The following FRMPD4 variants were observed in gnomAD, a reference collection of about 807,000 sequenced individuals.
FRMPD4 encodes FERM and PDZ domain-containing protein 4.
A neutral mutation model predicts 94.1 loss-of-function variants in FRMPD4; 22 were observed. That is an observed-to-expected ratio of 0.23 (90% CI 0.17 to 0.33). FRMPD4 has a LOEUF of 0.33. Among genes scored for constraint, FRMPD4 ranks in the 10% least tolerant of loss-of-function variants. FRMPD4 has a pLI of 1.00. For missense variants in FRMPD4, 1,111 were observed against 1,339.9 expected (o/e 0.83, Z 2.67); for synonymous variants, 631 against 548.6 (o/e 1.15, Z -2.10).
intron 3 of FRMPD4, among the ~76,000 whole-genome samples, chrX:12,018,948 T>A (rs1458063983): frequency 1.8e-5 from 2 of 111,967 alleles, no homozygotes; most frequent in Non-Finnish European, 3.8e-5. Flanking sequence ...GGAATTCAGA[T>A]GTTTTCAGAT....
intron 3 of FRMPD4, among the ~76,000 whole-genome samples, chrX:11,881,939 G>C (rs2053815939): frequency 8.9e-6 from 1 of 111,739 alleles, no homozygotes; most frequent in Non-Finnish European, 1.9e-5. Context: ...AGCTTGACAT[G>C]CCAGGCTGGT....
chrX:12,491,653 C>G (rs1375857605), intron 1 of FRMPD4, among the ~76,000 whole-genome samples: 9 of 112,466 alleles, frequency 8.0e-5, no homozygotes, highest in Admixed American at 9.4e-5. Context: ...CTTACCCACT[C>G]AAAGGCAGAG....
At chrX:12,231,030 GTATATATATATATATATAAAA>G (rs1456925769) in intron 1 of FRMPD4, among the ~76,000 whole-genome samples, 1 of 26,410 alleles carries the variant, frequency 3.8e-5, no homozygotes. Flanking sequence ...TATATATATA[GTATATATATATATATATAAAA>G]TATATATATA....
At chrX:12,176,366 A>G (rs2056295035) in intron 1 of FRMPD4, among the ~76,000 whole-genome samples, 1 of 111,958 alleles carries the variant, frequency 8.9e-6, no homozygotes, top group African/African-American at 3.2e-5. Flanking sequence ...GTATTCTGGC[A>G]ATCACAGAAC....
intron 3 of FRMPD4, among the ~76,000 whole-genome samples, chrX:11,925,658 G>T (rs1049326286): frequency 2.7e-5 from 3 of 111,776 alleles, no homozygotes; most frequent in African/African-American, 9.8e-5. Flanking sequence ...GACTTTGGGG[G>T]TAAATAATGA....
chrX:12,236,051 A>T (rs2057067233), intron 1 of FRMPD4, among the ~76,000 whole-genome samples: 1 of 111,266 alleles, frequency 9.0e-6, no homozygotes, highest in Non-Finnish European at 1.9e-5. Context: ...TTCAAGAAGG[A>T]CACAGACACT....
intron 1 of FRMPD4, among the ~76,000 whole-genome samples, chrX:12,398,605 T>G (rs763369017): frequency 8.9e-6 from 1 of 111,795 alleles, no homozygotes; most frequent in East Asian, 2.8e-4. Context: ...GCATCAAAAT[T>G]ATGGGGCCAT....
chrX:11,866,137 A>G (rs902157749), intron 2 of FRMPD4, among the ~76,000 whole-genome samples: 1 of 111,794 alleles, frequency 8.9e-6, no homozygotes, highest in Non-Finnish European at 1.9e-5. Flanking sequence ...CCTTTCTGTT[A>G]CTTTCCTTAT....
intron 3 of FRMPD4, among the ~76,000 whole-genome samples, chrX:12,005,184 A>G (rs1406400906): frequency 9.1e-6 from 1 of 109,435 alleles, no homozygotes; most frequent in Non-Finnish European, 1.9e-5. Context: ...TTCTCAAACT[A>G]TAGAGTGCTT....
chrX:12,102,997 C>G (rs2055268153), intron 3 of FRMPD4, among the ~76,000 whole-genome samples: 1 of 111,205 alleles, frequency 9.0e-6, no homozygotes, highest in Admixed American at 9.6e-5. Context: ...TTTGTCATAT[C>G]AGGTATTGAT....
At chrX:12,572,342 T>A (rs1451827081) in intron 2 of FRMPD4, among the ~76,000 whole-genome samples, 1 of 112,362 alleles carries the variant, frequency 8.9e-6, no homozygotes, top group Admixed American at 9.4e-5. Context: ...TTCTACTGTA[T>A]AAACATATTA....
At chrX:12,581,810 G>A (rs1202870270) in intron 2 of FRMPD4, among the ~76,000 whole-genome samples, 1 of 111,728 alleles carries the variant, frequency 9.0e-6, no homozygotes, top group Non-Finnish European at 1.9e-5. Flanking sequence ...CTTCTCTCAG[G>A]TATCCATGAT....
intron 3 of FRMPD4, among the ~76,000 whole-genome samples, chrX:12,114,054 T>C (rs1291846234): frequency 1.8e-5 from 2 of 111,914 alleles, no homozygotes; most frequent in Non-Finnish European, 3.8e-5. Context: ...TTAAACTATA[T>C]TTTTCTCTTC....
intron 1 of FRMPD4, among the ~76,000 whole-genome samples, chrX:12,437,314 T>A (rs750986933): frequency 1.6e-4 from 18 of 111,906 alleles, no homozygotes; most frequent in Admixed American, 8.5e-4. Context: ...GAATCTGGAA[T>A]TTTAATTCCA....
intron 7 of FRMPD4, among the ~76,000 whole-genome samples, chrX:12,689,299 C>A (rs2060059045): frequency 8.9e-6 from 1 of 111,796 alleles, no homozygotes; most frequent in African/African-American, 3.3e-5. Flanking sequence ...AGATTGCTGA[C>A]AAAGCTTGCT....
At chrX:11,889,276 A>G (rs2053861886) in intron 3 of FRMPD4, among the ~76,000 whole-genome samples, 1 of 112,085 alleles carries the variant, frequency 8.9e-6, no homozygotes, top group East Asian at 2.8e-4. Flanking sequence ...GCTACATCCC[A>G]ATAAGCCCAT....
chrX:12,291,059 G>A (rs1224190314), intron 1 of FRMPD4, among the ~76,000 whole-genome samples: 1 of 111,183 alleles, frequency 9.0e-6, no homozygotes, highest in Non-Finnish European at 1.9e-5. Flanking sequence ...GGCTGCATCT[G>A]CATGGTTAAT....
chrX:12,612,798 C>T (rs1298715409), intron 3 of FRMPD4, among the ~76,000 whole-genome samples: 2 of 112,397 alleles, frequency 1.8e-5, no homozygotes, highest in African/African-American at 6.5e-5. Context: ...TGATTACTTG[C>T]ACATAATACT....
In FRMPD4 at chrX:12,718,671, C is replaced by G; in HGVS notation, c.3845C>G (p.Thr1282Arg). The stretch of plus-strand genomic sequence containing the variant: ...ACCTTTAAGGAACTGCACCCACAGA[C>G]AGAAGGGATGTGTCCACGGATGACA... ...GATFKELHPQ[T>R]EGMCPRMTVP... Residue 1282 changes from threonine (T) to arginine (R), a missense_variant, in exon 16 of 17, where the codon ACA (threonine) becomes AGA (arginine). By Grantham distance (71) the Thr-to-Arg change is moderately conservative. Around this residue, in one of 8 missense-constraint regions of FRMPD4, gnomAD observed 551 missense variants for 591.6 expected, o/e 0.93. Transcript: ENST00000675598. 1 of 1,208,100 alleles carries G rather than the reference C, an allele frequency of 8.3e-7. No individual in the cohort carries two copies. The highest frequency in any genetic ancestry group is 1.1e-6 in the Non-Finnish European group (1 of 892,029).
Sources: allele counts gnomAD v4.1 joint callset (sites outside exome capture counted in the v4.1 genomes callset), GRCh38; gene constraint gnomAD v4.1.1; regional missense constraint gnomAD v4.1.1; transcripts MANE v1.5; gene names NCBI Gene and HGNC (gene_info 2026-07-23, HGNC 2026-07-21).